Variants in SUGP2 observed in about 807,000 individuals in gnomAD.
SUGP2 encodes the protein SURP and G-patch domain-containing protein 2.
A neutral mutation model predicts 90.5 loss-of-function variants in SUGP2; 24 were observed. That is an observed-to-expected ratio of 0.27 (90% CI 0.19 to 0.37). The LOEUF (loss-of-function observed/expected upper bound fraction) is 0.37. SUGP2 is among the 10% of genes least tolerant of loss of function. The pLI is 1.00. For missense variants in SUGP2, 1,233 were observed against 1,363.3 expected, an observed-to-expected ratio of 0.90 and a Z score of 1.51; for synonymous variants, 473 against 513.4, an observed-to-expected ratio of 0.92 and a Z score of 1.06.
intron 7 of SUGP2, chr19:19,003,562 G>A (rs1019572193): frequency 3.3e-5 from 5 of 152,322 alleles, no homozygotes; most frequent in South Asian, 2.1e-4. Flanking sequence ...CAAGAGACCC[G>A]TTCTGGGAAC....
At chr19:19,011,693 T>C (rs1050449273) in intron 4 of SUGP2, among the ~76,000 whole-genome samples, 2 of 152,146 alleles carry the variant, frequency 1.3e-5, no homozygotes, top group African/African-American at 2.4e-5. Flanking sequence ...TTCTCTGTGA[T>C]TTCATACATA....
intron 6 of SUGP2, among the ~76,000 whole-genome samples, chr19:19,006,842 C>G (rs1010333832): frequency 3.9e-5 from 6 of 152,206 alleles, no homozygotes; most frequent in African/African-American, 1.4e-4. Context: ...AGTGCAGGAC[C>G]CAGTCATAAG....
chr19:19,000,857 C>G lies in SUGP2; in HGVS notation c.2991+756G>C, dbSNP rs576009842. 4.6e-5 allele frequency among the ~76,000 whole-genome samples: 7 copies of G among 151,832 alleles called. No individual in the cohort carries two copies. In the South Asian group the frequency reaches 1.5e-3, roughly 32 times the overall value. On this transcript the variant is annotated intron_variant, in intron 8 of 10. Coordinates refer to ENST00000452918, the MANE Select transcript of SUGP2 (RefSeq NM_001017392.5). The stretch of plus-strand genomic sequence containing the variant: ...AGTAGCTGGGACTACAGGCATGCAC[C>G]ACCATGCCCAACTAATTTTTGTATT...
At chr19:19,020,809 C>T (rs1348578509) in intron 3 of SUGP2, among the ~76,000 whole-genome samples, 1 of 152,018 alleles carries the variant, frequency 6.6e-6, no homozygotes, top group Non-Finnish European at 1.5e-5. Context: ...CAACACAGAA[C>T]ATGTTTCTTC....
At chr19:19,021,346 T>G (rs1189902297) in intron 3 of SUGP2, among the ~76,000 whole-genome samples, 1 of 152,122 alleles carries the variant, frequency 6.6e-6, no homozygotes, top group Non-Finnish European at 1.5e-5. Flanking sequence ...TCCTCACACA[T>G]GATGAGTCAA....
rs2058923057 is a variant in SUGP2, at chr19:19,026,162, T to G, written c.186A>C (p.Arg62Ser). The G allele has an allele frequency of 6.2e-6, 10 of 1,613,778 alleles. 1 individual carries two copies. The highest frequency in any genetic ancestry group is 7.6e-6 in the Non-Finnish European group (9 of 1,179,946). ...EMYDDVHSDGRYSLSGSVAHS... is the reference protein window; with the variant it reads ...EMYDDVHSDGSYSLSGSVAHS... ...GAGCTACAGATCCACTGAGGGAGTATCTGCCATCGCTGTGGACGTCATCAT... is the reference window on the plus strand; with the variant it reads ...GAGCTACAGATCCACTGAGGGAGTAGCTGCCATCGCTGTGGACGTCATCAT... The change falls in exon 3 of 11, where the codon AGA (arginine) becomes AGC (serine). Residue 62 changes from arginine (R) to serine (S), a missense_variant. Transcript: ENST00000452918.
chr19:18,997,517 G>A (rs2145269599), intron 8 of SUGP2, among the ~76,000 whole-genome samples: 1 of 152,286 alleles, frequency 6.6e-6, no homozygotes, highest in African/African-American at 2.4e-5. Context: ...GGGCGCGGTG[G>A]CTCACGCCTG....
chr19:19,025,999 C>G lies in SUGP2; in HGVS notation c.349G>C (p.Asp117His). Residue 117 changes from aspartate to histidine, a missense_variant, in exon 3 of 11, where the codon GAT becomes CAT. Physicochemically the swap from Asp to His is moderately conservative, Grantham distance 81. Transcript: ENST00000452918. ...CGRDLEFSHS[D>H]SRDQVIGHRK... ...TGGCCAATGACCTGGTCCCGAGAAT[C>G]AGAGTGAGAAAATTCCAGATCCCGG... 3 of 1,614,094 alleles carry G rather than the reference C, an allele frequency of 1.9e-6. No individual in the cohort carries two copies. Among genetic ancestry groups the G allele is most frequent in the Non-Finnish European group, 2.5e-6 (3 of 1,180,034 alleles).
chr19:19,010,839 T>A (rs576596332), intron 4 of SUGP2, among the ~76,000 whole-genome samples: 3 of 151,754 alleles, frequency 2.0e-5, no homozygotes, highest in Admixed American at 2.0e-4. Flanking sequence ...GAGCTACATG[T>A]ACTAACAGAA....
chr19:19,002,923 C>T (rs1026305834), intron 7 of SUGP2, among the ~76,000 whole-genome samples: 3 of 152,120 alleles, frequency 2.0e-5, no homozygotes, highest in Admixed American at 6.6e-5. Flanking sequence ...CACTCTGATA[C>T]ACTACCTGCC....
intron 7 of SUGP2, 63 bp downstream of exon 7, chr19:19,004,105 C>G (rs2057959389): frequency 7.6e-7 from 1 of 1,311,524 alleles, no homozygotes. Flanking sequence ...TCTCTTCTAA[C>G]TCTCACAGCC....
chr19:19,003,089 G>A (rs993584055), intron 7 of SUGP2, among the ~76,000 whole-genome samples: 3 of 152,146 alleles, frequency 2.0e-5, no homozygotes, highest in South Asian at 2.1e-4. Context: ...TTACAGGCAC[G>A]AGCCACTGCG....
chr19:18,997,712 G>T (rs925471172), intron 8 of SUGP2, among the ~76,000 whole-genome samples: 1 of 151,066 alleles, frequency 6.6e-6, no homozygotes, highest in African/African-American at 2.4e-5. Context: ...GAACCTGGGA[G>T]GCAGAGGTTG....
At chr19:19,028,751 C>T (rs1030641203) in intron 2 of SUGP2, among the ~76,000 whole-genome samples, 4 of 152,010 alleles carry the variant, frequency 2.6e-5, no homozygotes, top group African/African-American at 7.2e-5. Context: ...CACGCTGGAG[C>T]GCAGTGGTGC....
intron 4 of SUGP2, among the ~76,000 whole-genome samples, chr19:19,012,831 C>T (rs2058355160): frequency 6.6e-6 from 1 of 152,128 alleles, no homozygotes. Flanking sequence ...GTTTTGGATT[C>T]ATCCAATTCC....
rs373887108 is a variant in SUGP2, at chr19:19,010,115, G to A, written c.2078C>T (p.Ala693Val). ...LRAQGLRGWK[A>V]RRATTGTQTL... ...CTGGGTCCCGGTGGTCGCTCTCCTC[G>A]CCTTCCAGCCCCGGAGCCCTTGAGC... The change falls in exon 5 of 11, where the codon GCG (alanine) becomes GTG (valine). Residue 693 changes from alanine (A) to valine (V), a missense_variant. By Grantham distance (64) the Ala-to-Val change is moderately conservative. Coordinates refer to ENST00000452918, the MANE Select transcript of SUGP2 (RefSeq NM_001017392.5). The A allele has an allele frequency of 3.1e-6, 5 of 1,592,252 alleles. No individual in the cohort carries two copies. Among genetic ancestry groups the A allele is most frequent in the Admixed American group, 1.7e-5 (1 of 58,076 alleles).
chr19:19,010,327 T>G lies in SUGP2; in HGVS notation c.1866A>C (p.Glu622Asp), dbSNP rs2058262006. The G allele has an allele frequency of 6.2e-7, 1 of 1,610,336 alleles. No homozygotes were observed. The highest frequency in any genetic ancestry group is 8.5e-7 in the Non-Finnish European group (1 of 1,178,920). The change falls in exon 5 of 11, where the codon GAA (glutamate) becomes GAC (aspartate). Residue 622 changes from glutamate to aspartate, a missense_variant. Transcript: ENST00000452918. The stretch of plus-strand genomic sequence containing the variant: ...TGTAATATTTATACTCCAGACTATT[T>G]TCATCAGACAAAAACCTAGATAACA... ...EDPAYWFLSD[E>D]NSLEYKYYKL...
Position 19,025,675 on chromosome 19 carries a change from G to C in SUGP2, c.673C>G (p.Leu225Val). ...ALNIVDQEGS[L>V]LGKGETQGLL... ...CCCTGAGTCTCCCCCTTTCCTAGGA[G>C]GGAACCTTCCTGGTCAACGATGTTT... Residue 225 changes from leucine (L) to valine (V), a missense_variant, in exon 3 of 11, where the codon CTC becomes GTC. Physicochemically the swap from Leu to Val is conservative, Grantham distance 32. Around this residue, in one of 8 missense-constraint regions of SUGP2, gnomAD observed 418 missense variants for 399.9 expected, o/e 1.05. Transcript: ENST00000452918. The C allele has an allele frequency of 1.9e-6, 3 of 1,613,986 alleles. No homozygotes were observed. The highest frequency in any genetic ancestry group is 2.2e-5 in the South Asian group (2 of 91,078).
intron 6 of SUGP2, 73 bp from the exon 7 acceptor site, chr19:19,004,719 G>T: frequency 7.7e-7 from 1 of 1,293,186 alleles, no homozygotes; most frequent in Non-Finnish European, 1.1e-6. Context: ...AAACTGCTGG[G>T]ATTGATCCAA....
Sources: gnomAD v4.1 joint callset for allele counts (sites outside exome capture counted in the v4.1 genomes callset) on GRCh38, gnomAD v4.1.1 for gene constraint, gnomAD v4.1.1 regional missense constraint, MANE v1.5 for transcripts, NCBI Gene and HGNC (gene_info 2026-07-23, HGNC 2026-07-21) for gene names.